PCSK5: variants seen among roughly 807,000 people sequenced by gnomAD.
PCSK5 encodes prohormone convertase 5.
PCSK5 carries 129 observed loss-of-function variants against 233.2 expected under a neutral mutation model. That is an observed-to-expected ratio of 0.55 (90% CI 0.48 to 0.64). The LOEUF (loss-of-function observed/expected upper bound fraction) is 0.64, where lower values mean the gene tolerates loss of function less well. PCSK5 is among the 30% of genes least tolerant of loss of function. The pLI is 0.00. For missense variants in PCSK5, 2,076 were observed against 2,430.1 expected (o/e 0.85, Z 3.06); for synonymous variants, 825 against 879.2 (o/e 0.94, Z 1.09).
At chr9:75,929,780 G>C (rs967472834) in intron 1 of PCSK5, among the ~76,000 whole-genome samples, 1 of 152,076 alleles carries the variant, frequency 6.6e-6, no homozygotes, top group African/African-American at 2.4e-5. Context: ...AGGGTGAAAG[G>C]CACGTCTCAC....
At position 76,046,160 on chromosome 9, in the gene PCSK5, G is replaced by GTTTTTTTTTTTTTT. The variant is rs71372041; in HGVS notation, c.632+19145_632+19158dup. Among the ~76,000 whole-genome samples, 34 of 58,034 alleles carry GTTTTTTTTTTTTTT rather than the reference G, an allele frequency of 5.9e-4. 7 individuals are homozygous for GTTTTTTTTTTTTTT. The highest frequency in any genetic ancestry group is 1.9e-3 in the South Asian group (3 of 1,586). The allele number at this position is 58,034 out of a possible 152,430, so 38.1% of individuals were successfully genotyped here. On this transcript the variant is annotated intron_variant, in intron 5 of 37. Coordinates refer to ENST00000674117, the MANE Select transcript of PCSK5 (RefSeq NM_001372043.1). ...GCATTAACACATAATTTTTTCTTTT[G>GTTTTTTTTTTTTTT]TTTTTTTTTTTTTTTTTTTTTTTTT...
intron 3 of PCSK5, 109 bp from the exon 4 acceptor site, chr9:76,023,629 C>G (rs1828293108): frequency 9.6e-7 from 1 of 1,041,784 alleles, no homozygotes; most frequent in African/African-American, 1.6e-5. Context: ...CACTACTACA[C>G]TCCAGCCTGG....
At chr9:76,024,011 C>G (rs563204945) in intron 4 of PCSK5, 130 bp downstream of exon 4, 23 of 675,404 alleles carry the variant, frequency 3.4e-5, no homozygotes, top group South Asian at 1.1e-4. Context: ...TTTTGCTTCT[C>G]TCTGGTAAAA....
At chr9:76,060,275 A>G (rs974361111) in intron 5 of PCSK5, among the ~76,000 whole-genome samples, 2 of 152,228 alleles carry the variant, frequency 1.3e-5, no homozygotes, top group African/African-American at 4.8e-5. Flanking sequence ...CCTTATTAAT[A>G]AAAATAAAAA....
At chr9:76,107,857 T>C (rs1417884561) in intron 9 of PCSK5, among the ~76,000 whole-genome samples, 2 of 152,230 alleles carry the variant, frequency 1.3e-5, no homozygotes, top group Non-Finnish European at 2.9e-5. Flanking sequence ...AAAAGATTAC[T>C]GTGAAAGACC....
At chr9:76,156,553 T>C (rs566129595) in intron 10 of PCSK5, among the ~76,000 whole-genome samples, 41 of 152,350 alleles carry the variant, frequency 2.7e-4, no homozygotes, top group African/African-American at 9.4e-4. Flanking sequence ...TTACTTCTCT[T>C]TAAACCTATT....
intron 8 of PCSK5, among the ~76,000 whole-genome samples, chr9:76,099,681 C>A (rs1297264794): frequency 6.6e-6 from 1 of 152,122 alleles, no homozygotes; most frequent in Non-Finnish European, 1.5e-5. Context: ...GACAAATAAT[C>A]CTGTGTTGCG....
intron 5 of PCSK5, among the ~76,000 whole-genome samples, chr9:76,029,963 A>G (rs557064195): frequency 1.3e-5 from 2 of 152,330 alleles, no homozygotes; most frequent in African/African-American, 4.8e-5. Flanking sequence ...TATGCAAACA[A>G]TTATATTGCC....
Position 76,332,428 on chromosome 9 carries a change from G to A in PCSK5, c.4571-5G>A. 6.2e-7 allele frequency: 1 copy of A among 1,607,512 alleles called. No individual in the cohort carries two copies. The highest frequency in any genetic ancestry group is 8.5e-7 in the Non-Finnish European group (1 of 1,177,124). On this transcript the variant is annotated splice_region_variant and splice_polypyrimidine_tract_variant and intron_variant, in intron 33 of 37. Transcript: ENST00000674117. ...TCCAAATAGACATTTTTTCTCCCAT[G>A]ACAGACACAACCTGTGTGAAGGACT...
intron 3 of PCSK5, among the ~76,000 whole-genome samples, chr9:76,013,846 T>A (rs1827834010): frequency 6.6e-6 from 1 of 152,176 alleles, no homozygotes; most frequent in Non-Finnish European, 1.5e-5. Context: ...TATTAAAAGT[T>A]GTTTTTCAGT....
chr9:76,141,953 A>T (rs756075322), intron 10 of PCSK5, among the ~76,000 whole-genome samples: 1 of 151,978 alleles, frequency 6.6e-6, no homozygotes, highest in African/African-American at 2.4e-5. Flanking sequence ...ACAAAGAAGG[A>T]ACAACACACA....
chr9:76,040,401 C>CTG (rs1829067869), intron 5 of PCSK5, among the ~76,000 whole-genome samples: 1 of 110,976 alleles, frequency 9.0e-6, no homozygotes, highest in Non-Finnish European at 1.9e-5. Flanking sequence ...CTCTCTCTCT[C>CTG]TCTCTCTCTC....
chr9:75,926,339 G>A (rs983088027), intron 1 of PCSK5, among the ~76,000 whole-genome samples: 1 of 152,194 alleles, frequency 6.6e-6, no homozygotes, highest in African/African-American at 2.4e-5. Context: ...CTGATAAATA[G>A]TTAACTGGCC....
At chr9:76,312,369 C>A (rs1409489595) in intron 30 of PCSK5, among the ~76,000 whole-genome samples, 1 of 152,084 alleles carries the variant, frequency 6.6e-6, no homozygotes, top group African/African-American at 2.4e-5. Context: ...ATTAGCCAGG[C>A]ATGGTGTCAT....
intron 1 of PCSK5, among the ~76,000 whole-genome samples, chr9:75,926,312 A>G (rs964114529): frequency 6.6e-6 from 1 of 152,198 alleles, no homozygotes; most frequent in Non-Finnish European, 1.5e-5. Flanking sequence ...TGACAAATGT[A>G]TATACCCAGT....
intron 2 of PCSK5, among the ~76,000 whole-genome samples, chr9:75,974,329 AG>A (rs1171406519): frequency 3.9e-5 from 6 of 152,168 alleles, no homozygotes; most frequent in African/African-American, 1.4e-4. Flanking sequence ...ATGACCCGCA[AG>A]TTTTGTCGAG....
At chr9:75,930,346 A>G (rs563747232) in intron 1 of PCSK5, among the ~76,000 whole-genome samples, 38 of 152,300 alleles carry the variant, frequency 2.5e-4, no homozygotes, top group African/African-American at 8.7e-4. Context: ...AATGCTGGTC[A>G]GTGTGATTTG....
intron 22 of PCSK5, among the ~76,000 whole-genome samples, chr9:76,236,594 A>G (rs1270481367): frequency 2.0e-5 from 3 of 152,222 alleles, no homozygotes; most frequent in Non-Finnish European, 4.4e-5. Context: ...TGAGCTATCC[A>G]AATTATCATC....
chr9:76,067,023 G>A (rs1830311741), intron 5 of PCSK5, among the ~76,000 whole-genome samples: 1 of 152,184 alleles, frequency 6.6e-6, no homozygotes, highest in African/African-American at 2.4e-5. Context: ...CTGCAGGCAT[G>A]GCAGACATTA....
Sources: gnomAD v4.1 joint callset for allele counts (sites outside exome capture counted in the v4.1 genomes callset) on GRCh38, gnomAD v4.1.1 for gene constraint, MANE v1.5 for transcripts, NCBI Gene and HGNC (gene_info 2026-07-23, HGNC 2026-07-21) for gene names.